LEO1: variants seen among roughly 807,000 people sequenced by gnomAD.
LEO1 encodes the protein RNA polymerase-associated protein LEO1.
In LEO1, 34 loss-of-function variants were observed where a neutral mutation model predicts 80.4. That is an observed-to-expected ratio of 0.42 (90% CI 0.32 to 0.56). The LOEUF (loss-of-function observed/expected upper bound fraction) is 0.56, where lower values mean the gene tolerates loss of function less well. Ranked by LOEUF, LEO1 falls within the 20% of genes least tolerant of loss-of-function variation. The pLI, the probability that LEO1 is intolerant of heterozygous loss-of-function variation, is 0.10. For missense variants in LEO1, 631 were observed against 814.2 expected, an observed-to-expected ratio of 0.77 and a Z score of 2.74; for synonymous variants, 262 against 274.9, an observed-to-expected ratio of 0.95 and a Z score of 0.46.
intron 2 of LEO1, among the ~76,000 whole-genome samples, chr15:51,965,533 TA>T (rs1169928671): frequency 2.0e-5 from 3 of 152,140 alleles, no homozygotes; most frequent in Non-Finnish European, 2.9e-5. Flanking sequence ...CCCCCAGACC[TA>T]TCCATTAACA....
At chr15:51,971,630 C>T (rs2057124057) in intron 1 of LEO1, 58 bp downstream of exon 1, 2 of 1,562,928 alleles carry the variant, frequency 1.3e-6, no homozygotes, top group Admixed American at 1.7e-5. Flanking sequence ...CACGGTTGTC[C>T]GGCTCCCACA....
At chr15:51,969,658 A>G (rs1293606918) in intron 1 of LEO1, among the ~76,000 whole-genome samples, 3 of 151,968 alleles carry the variant, frequency 2.0e-5, no homozygotes, top group Non-Finnish European at 4.4e-5. Flanking sequence ...CCTGGCCAAC[A>G]TGACAAAACC....
At position 51,960,753 on chromosome 15, in the gene LEO1, A is replaced by T; in HGVS notation, c.920-20T>A. 1 of 1,396,610 alleles carries T rather than the reference A, an allele frequency of 7.2e-7. No homozygotes were observed. The highest frequency in any genetic ancestry group is 1.0e-6 in the Non-Finnish European group (1 of 981,784). 86.5% of individuals were successfully genotyped at this position (1,396,610 alleles called of 1,614,324 possible). On this transcript the variant is annotated intron_variant, in intron 3 of 11. Coordinates refer to ENST00000299601, the MANE Select transcript of LEO1 (RefSeq NM_138792.4). ...TATTATCTTCAATGCAGAAGGAAAA[A>T]GGCATTAGTGTTACTATCTGTAACT...
At chr15:51,946,120 A>C (rs2056899033) in intron 11 of LEO1, among the ~76,000 whole-genome samples, 1 of 152,236 alleles carries the variant, frequency 6.6e-6, no homozygotes, top group Non-Finnish European at 1.5e-5. Flanking sequence ...AAATATTTTT[A>C]AATTATCTTG....
intron 10 of LEO1, among the ~76,000 whole-genome samples, chr15:51,948,699 A>G (rs773517921): frequency 3.9e-5 from 6 of 152,266 alleles, no homozygotes; most frequent in Non-Finnish European, 7.3e-5. Flanking sequence ...TTTTGTCACA[A>G]TGAGGTAACA....
At chr15:51,958,285 A>G (rs924668129) in intron 6 of LEO1, among the ~76,000 whole-genome samples, 10 of 136,122 alleles carry the variant, frequency 7.3e-5, no homozygotes, top group Non-Finnish European at 1.6e-4. Flanking sequence ...GCAAGACCTC[A>G]TATCTACAGA....
chr15:51,959,575 G>A (rs2057014586), intron 5 of LEO1, among the ~76,000 whole-genome samples: 1 of 152,046 alleles, frequency 6.6e-6, no homozygotes, highest in African/African-American at 2.4e-5. Context: ...CTGCTACAGT[G>A]GACACTGGCA....
chr15:51,965,327 G>GC (rs1215200664), intron 2 of LEO1, among the ~76,000 whole-genome samples: 1 of 152,152 alleles, frequency 6.6e-6, no homozygotes, highest in Non-Finnish European at 1.5e-5. Flanking sequence ...CAGCAATGGT[G>GC]CCCACATCTC....
intron 10 of LEO1, 49 bp from the exon 11 acceptor site, chr15:51,947,438 CAG>C: frequency 7.4e-7 from 1 of 1,343,520 alleles, no homozygotes; most frequent in Non-Finnish European, 1.1e-6. Context: ...TTTTCTGAGA[CAG>C]GGTCTTGCTT....
At chr15:51,950,334 A>G (rs972010965) in intron 9 of LEO1, among the ~76,000 whole-genome samples, 2 of 152,082 alleles carry the variant, frequency 1.3e-5, no homozygotes, top group Admixed American at 1.3e-4. Context: ...CCCAGCAGAA[A>G]CCTAAATTGA....
chr15:51,941,474 T>C (rs1013429761), intron 11 of LEO1, among the ~76,000 whole-genome samples: 16 of 152,126 alleles, frequency 1.1e-4, no homozygotes, highest in Non-Finnish European at 2.9e-5. Context: ...TGACATCACA[T>C]TCTGAGTAAT....
chr15:51,940,579 G>T (rs993717646), intron 11 of LEO1, among the ~76,000 whole-genome samples: 78 of 150,768 alleles, frequency 5.2e-4, no homozygotes, highest in Non-Finnish European at 5.5e-4. Context: ...AAAAAGGCCT[G>T]CCAAGGACTG....
At position 51,947,325 on chromosome 15, in the gene LEO1, T is replaced by G; in HGVS notation, c.1863A>C (p.Arg621Ser). ...TGGTAAGTTTCTTTGCTTTGAGTAA[T>G]CTTTGAGCTTTATCTTCTTCTGATC... ...DEGSEEDKAQ[R>S]LLKAKKLTSD... The change falls in exon 11 of 12, where the codon AGA becomes AGC. Residue 621 changes from arginine to serine, a missense_variant. Transcript: ENST00000299601. The G allele has an allele frequency of 2.5e-6, 4 of 1,613,764 alleles. No individual in the cohort carries two copies. Among genetic ancestry groups the G allele is most frequent in the Non-Finnish European group, 2.5e-6 (3 of 1,179,654 alleles).
chr15:51,947,451 T>C, intron 10 of LEO1, 62 bp from the exon 11 acceptor site: 1 of 1,199,910 alleles, frequency 8.3e-7, no homozygotes, highest in Non-Finnish European at 1.2e-6. Flanking sequence ...GGTCTTGCTT[T>C]GAGGCCCAGG....
rs988323805 is a variant in LEO1 at position 51,950,653 on chromosome 15, C to G, written c.1612-659G>C. ...ATTTCTTTGAAGGTCTTCCTCATCCCGTTGCTCTGTATTATCATATACAAC... is the reference window on the plus strand; with the variant it reads ...ATTTCTTTGAAGGTCTTCCTCATCCGGTTGCTCTGTATTATCATATACAAC... On this transcript the variant is annotated intron_variant, in intron 9 of 11. Transcript: ENST00000299601. Among the ~76,000 whole-genome samples the G allele has an allele frequency of 2.0e-5, 3 of 152,190 alleles. No homozygotes were observed. In the South Asian group the frequency reaches 6.2e-4, roughly 31 times the overall value.
chr15:51,968,643 A>AT, intron 1 of LEO1, among the ~76,000 whole-genome samples: 2 of 152,246 alleles, frequency 1.3e-5, no homozygotes, highest in South Asian at 2.1e-4. Flanking sequence ...AGCCTGGCCA[A>AT]TATGGTGAAA....
At chr15:51,959,606 G>A (rs1018188328) in intron 5 of LEO1, among the ~76,000 whole-genome samples, 4 of 152,026 alleles carry the variant, frequency 2.6e-5, no homozygotes, top group Non-Finnish European at 2.9e-5. Context: ...AAATTTCATC[G>A]CTTTCAATTT....
chr15:51,944,806 T>C (rs768107291), intron 11 of LEO1, among the ~76,000 whole-genome samples: 22 of 152,204 alleles, frequency 1.4e-4, no homozygotes, highest in Non-Finnish European at 2.6e-4. Flanking sequence ...ATACACATGA[T>C]ATGATATAAA....
chr15:51,939,544 AAGATGGAC>A (rs2141733845), intron 11 of LEO1, among the ~76,000 whole-genome samples: 1 of 152,266 alleles, frequency 6.6e-6, no homozygotes, highest in African/African-American at 2.4e-5. Flanking sequence ...GCAATATTGA[AAGATGGAC>A]CCTGCCCCCA....
Sources: gnomAD v4.1 joint callset for allele counts (sites outside exome capture counted in the v4.1 genomes callset) on GRCh38, gnomAD v4.1.1 for gene constraint, MANE v1.5 for transcripts, NCBI Gene and HGNC (gene_info 2026-07-23, HGNC 2026-07-21) for gene names.